The following COL28A1 variants were observed in gnomAD, a reference collection of about 807,000 sequenced individuals.
COL28A1 encodes the protein collagen type XXVIII alpha 1 chain.
COL28A1 carries 161 observed loss-of-function variants against 150.2 expected under a neutral mutation model. The ratio of observed to expected loss-of-function variants is 1.07; its 90% CI spans 0.94 to 1.22. The LOEUF (loss-of-function observed/expected upper bound fraction) is 1.22, where lower values mean the gene tolerates loss of function less well. Among genes scored for constraint, COL28A1 ranks in the 50% most tolerant of loss-of-function variants. The pLI is 0.00. For missense variants in COL28A1, 1,617 were observed against 1,388.3 expected (o/e 1.16, Z -2.62); for synonymous variants, 552 against 469.7 (o/e 1.18, Z -2.26).
At chr7:7,438,523 T>A (rs980517843) in intron 21 of COL28A1, among the ~76,000 whole-genome samples, 7 of 152,212 alleles carry the variant, frequency 4.6e-5, no homozygotes, top group Admixed American at 2.0e-4. Flanking sequence ...ATTACGAAAT[T>A]TTATGAAGCA....
chr7:7,433,245 C>T (rs945129032), intron 23 of COL28A1, among the ~76,000 whole-genome samples: 7 of 152,062 alleles, frequency 4.6e-5, no homozygotes, highest in African/African-American at 1.4e-4. Context: ...ACAGAGTTTT[C>T]TAAGACTTGT....
intron 27 of COL28A1, among the ~76,000 whole-genome samples, chr7:7,383,161 A>G (rs1410918259): frequency 6.6e-6 from 1 of 152,120 alleles, no homozygotes; most frequent in East Asian, 1.9e-4. Context: ...TCTCTGAGAG[A>G]AAAAATCTCT....
At chr7:7,342,619 A>C in the COL28A1 span, among the ~76,000 whole-genome samples, 3 of 151,958 alleles carry the variant, frequency 2.0e-5, no homozygotes, top group African/African-American at 7.2e-5. Context: ...TGCTTTTCCT[A>C]GAAATTCCAC....
At chr7:7,536,687 T>A (rs147065784), upstream of COL28A1, among the ~76,000 whole-genome samples, 80 of 152,282 alleles carry the variant, frequency 5.3e-4, 1 homozygote, top group African/African-American at 1.7e-3. Flanking sequence ...AATAGCAAGA[T>A]CATCCGAGAA....
At chr7:7,536,559 T>G (rs1241302566), upstream of COL28A1, among the ~76,000 whole-genome samples, 2 of 152,164 alleles carry the variant, frequency 1.3e-5, no homozygotes, top group Non-Finnish European at 2.9e-5. Context: ...ATTTTCTACC[T>G]TGTGGTTATG....
chr7:7,380,721 T>A (rs900965580), intron 29 of COL28A1, 26 bp from the exon 30 acceptor site: 2 of 1,613,552 alleles, frequency 1.2e-6, no homozygotes, highest in Non-Finnish European at 1.7e-6. Context: ...AGAGTAAAAG[T>A]CAATATAGGT....
intron 25 of COL28A1, among the ~76,000 whole-genome samples, chr7:7,428,370 C>T (rs1038563377): frequency 6.6e-6 from 1 of 152,130 alleles, no homozygotes; most frequent in Non-Finnish European, 1.5e-5. Context: ...GAGACGGGCA[C>T]GGTAGGCTGT....
At chr7:7,374,038 A>AAAAAAAAAAAAT in intron 31 of COL28A1, among the ~76,000 whole-genome samples, 1 of 113,658 alleles carries the variant, frequency 8.8e-6, no homozygotes, top group African/African-American at 3.8e-5. Context: ...AAAAAAAAAA[A>AAAAAAAAAAAAT]ATATATATAT....
Position 7,490,526 on chromosome 7 carries a change from C to T in COL28A1, c.1095+52G>A, listed in dbSNP as rs2128369253. The T allele has an allele frequency of 3.6e-6, 3 of 836,806 alleles. No individual in the cohort carries two copies. In the Admixed American group the frequency reaches 5.6e-5, roughly 16 times the overall value. 51.8% of individuals were successfully genotyped at this position (836,806 alleles called of 1,614,324 possible). A position where few individuals can be genotyped will look rare whatever the true frequency, so the allele number is the denominator to read the frequency against. ...GAGTTCAAATCATGGCTCCCCCAGGCCCTACAATAAATTCAACAGTCATCA... is the reference window on the plus strand; with the variant it reads ...GAGTTCAAATCATGGCTCCCCCAGGTCCTACAATAAATTCAACAGTCATCA... On this transcript the variant is annotated intron_variant, in intron 12 of 34. Coordinates refer to ENST00000399429, the MANE Select transcript of COL28A1 (RefSeq NM_001037763.3).
chr7:7,455,197 T>C (rs1479416322), intron 16 of COL28A1, among the ~76,000 whole-genome samples: 2 of 152,200 alleles, frequency 1.3e-5, no homozygotes, highest in Admixed American at 1.3e-4. Context: ...ACCTTACTCA[T>C]AAATCTTAAT....
chr7:7,342,527 TTAGA>T, the COL28A1 span, among the ~76,000 whole-genome samples: 1 of 152,044 alleles, frequency 6.6e-6, no homozygotes, highest in African/African-American at 2.4e-5. Flanking sequence ...CTTTCTTTTT[TTAGA>T]TTAATTACTT....
At chr7:7,491,692 A>G (rs1200360549) in intron 11 of COL28A1, among the ~76,000 whole-genome samples, 1 of 152,240 alleles carries the variant, frequency 6.6e-6, no homozygotes, top group East Asian at 1.9e-4. Context: ...AGTCCCAGAG[A>G]GATTACCTGG....
In COL28A1 at chr7:7,380,782, C is replaced by T. The variant is rs1330517426; in HGVS notation, c.2286G>A (p.Gln762=). ...CAGTGAGACATTAAAAACTACTTGC[C>T]TGTTTTCCTGGAGATCCAGGCTCTC... The part of the protein sequence containing the change: ...EIGEPGSPGK[Q]GLQGPKGDLG... The change falls in exon 29 of 35, where the codon CAG becomes CAA. Residue 762 remains glutamine (Q), a splice_region_variant and synonymous_variant. Transcript: ENST00000399429. The T allele has an allele frequency of 2.5e-6, 4 of 1,613,520 alleles. No homozygotes were observed. Among genetic ancestry groups the T allele is most frequent in the East Asian group, 4.5e-5 (2 of 44,888 alleles).
chr7:7,507,222 T>C (rs949500931), intron 9 of COL28A1, 61 bp from the exon 10 acceptor site: 2 of 786,948 alleles, frequency 2.5e-6, no homozygotes, highest in African/African-American at 3.5e-5. Flanking sequence ...GCAGTGATTT[T>C]AGGTAGGAGG....
intron 11 of COL28A1, among the ~76,000 whole-genome samples, chr7:7,502,709 T>A: frequency 2.3e-5 from 1 of 43,908 alleles, no homozygotes. Context: ...TTTTTTTTTT[T>A]TTTTTTGAGA....
chr7:7,384,244 G>T (rs1487210573), intron 27 of COL28A1, among the ~76,000 whole-genome samples: 4 of 152,168 alleles, frequency 2.6e-5, no homozygotes, highest in African/African-American at 9.7e-5. Flanking sequence ...CTGGAAATGG[G>T]TATGCAGTGT....
chr7:7,458,045 C>T (rs12234520), intron 15 of COL28A1, among the ~76,000 whole-genome samples: 20,791 of 152,178 alleles, frequency 0.14, 1,846 homozygotes, highest in East Asian at 0.33. Context: ...GGTCTCATAA[C>T]ATTTTATTTG....
At chr7:7,429,647 G>C (rs931410218) in intron 25 of COL28A1, among the ~76,000 whole-genome samples, 1 of 152,054 alleles carries the variant, frequency 6.6e-6, no homozygotes, top group African/African-American at 2.4e-5. Context: ...TATGATCCAA[G>C]TTCCCTTGAT....
At chr7:7,518,825 G>T (rs1781556781) in intron 6 of COL28A1, among the ~76,000 whole-genome samples, 1 of 152,224 alleles carries the variant, frequency 6.6e-6, no homozygotes, top group East Asian at 1.9e-4. Flanking sequence ...TTTCTAAAAT[G>T]TAAGTATCAC....
Sources: allele counts gnomAD v4.1 joint callset (sites outside exome capture counted in the v4.1 genomes callset), GRCh38; gene constraint gnomAD v4.1.1; transcripts MANE v1.5; gene names NCBI Gene and HGNC (gene_info 2026-07-23, HGNC 2026-07-21).